CLDND2: variants seen among roughly 807,000 people sequenced by gnomAD.
CLDND2 encodes claudin domain-containing protein 2.
In CLDND2, 18 loss-of-function variants were observed where a neutral mutation model predicts 17.7. The ratio of observed to expected loss-of-function variants is 1.02; its 90% CI spans 0.70 to 1.51. The LOEUF is 1.51. Among genes scored for constraint, CLDND2 ranks in the 40% most tolerant of loss-of-function variants. The pLI, the probability that CLDND2 is intolerant of heterozygous loss-of-function variation, is 0.00. For missense variants in CLDND2, 233 were observed against 219.6 expected (o/e 1.06, Z -0.39); for synonymous variants, 113 against 93.0 (o/e 1.22, Z -1.24).
At chr19:51,368,202 C>T in intron 1 of CLDND2, 176 bp from the exon 2 acceptor site, 1 of 858,986 alleles carries the variant, frequency 1.2e-6, no homozygotes, top group Non-Finnish European at 1.8e-6. Context: ...TCAGGACCTG[C>T]GGTTACTGCC....
In CLDND2 at chr19:51,367,820, G is replaced by A. The variant is rs527434619; in HGVS notation, c.310+66C>T. On this transcript the variant is annotated intron_variant, in intron 2 of 3. Coordinates refer to ENST00000291715, the MANE Select transcript of CLDND2 (RefSeq NM_152353.3). The surrounding 1 kb of genome is among the most constrained non-coding windows in gnomAD (Gnocchi z 7.4). ...GAGTACCTCAAGCCCCTCCCCTGGC[G>A]ACCAGGCCCCTCCATCACCCAGGGC... 6.4e-7 allele frequency: 1 copy of A among 1,571,250 alleles called. No individual in the cohort carries two copies. The highest frequency in any genetic ancestry group is 1.8e-5 in the Admixed American group (1 of 55,454).
chr19:51,367,549 C>T lies in CLDND2; in HGVS notation c.338G>A (p.Gly113Asp), dbSNP rs775592435. 2.5e-6 allele frequency: 4 copies of T among 1,612,104 alleles called. No individual in the cohort carries two copies. The highest frequency in any genetic ancestry group is 4.5e-5 in the East Asian group (2 of 44,840). The stretch of plus-strand genomic sequence containing the variant: ...CTTCCACGCATTCTTCACGGTGTAG[C>T]CTATCAAGGCGGTCAGCAGCAGCAG... The part of the protein sequence containing the change: ...GGLLLLTALI[G>D]YTVKNAWKNN... Residue 113 changes from glycine to aspartate, a missense_variant, in exon 3 of 4, where the codon GGC becomes GAC. Gly to Asp is a moderately conservative substitution (Grantham distance 94, BLOSUM62 -1). Coordinates refer to ENST00000291715, the MANE Select transcript of CLDND2 (RefSeq NM_152353.3). The surrounding 1 kb of genome is among the most constrained non-coding windows in gnomAD (Gnocchi z 7.4).
At position 51,367,822 on chromosome 19, in the gene CLDND2, C is replaced by A; in HGVS notation, c.310+64G>T. On this transcript the variant is annotated intron_variant, in intron 2 of 3. Transcript: ENST00000291715. This position sits in a 1 kb window ranked among gnomAD's most constrained non-coding sequence, Gnocchi z 7.4. The stretch of plus-strand genomic sequence containing the variant: ...GTACCTCAAGCCCCTCCCCTGGCGA[C>A]CAGGCCCCTCCATCACCCAGGGCCC... The A allele has an allele frequency of 6.3e-7, 1 of 1,574,972 alleles. No homozygotes were observed. The highest frequency in any genetic ancestry group is 8.6e-7 in the Non-Finnish European group (1 of 1,165,780).
Position 51,367,833 on chromosome 19 carries a change from C to T in CLDND2, c.310+53G>A. On this transcript the variant is annotated intron_variant, in intron 2 of 3. Transcript: ENST00000291715. The surrounding 1 kb of genome is among the most constrained non-coding windows in gnomAD (Gnocchi z 7.4). Reference sequence around the variant, plus strand: ...CCCTCCCCTGGCGACCAGGCCCCTCCATCACCCAGGGCCCGCCCCTGCCTG... The same window carrying T: ...CCCTCCCCTGGCGACCAGGCCCCTCTATCACCCAGGGCCCGCCCCTGCCTG... 1 of 1,589,488 alleles carries T rather than the reference C, an allele frequency of 6.3e-7. No individual in the cohort carries two copies. Among genetic ancestry groups the T allele is most frequent in the Non-Finnish European group, 8.5e-7 (1 of 1,172,506 alleles).
In CLDND2 at chr19:51,368,546, C is replaced by T. The variant is rs141927207; in HGVS notation, c.32G>A (p.Gly11Asp). Residue 11 changes from glycine (G) to aspartate (D), a missense_variant, in exon 1 of 4, where the codon GGC (glycine) becomes GAC (aspartate). Coordinates refer to ENST00000291715, the MANE Select transcript of CLDND2 (RefSeq NM_152353.3). ...GTTGGCCACGAGGCTGAGCAGAATG[C>T]CCCCACTCTGGAGGCTCCGCTTCAC... MGVKRSLQSG[G>D]ILLSLVANVL... The T allele has an allele frequency of 9.2e-5, 148 of 1,613,754 alleles. No individual in the cohort carries two copies. Among genetic ancestry groups the T allele is most frequent in the Middle Eastern group, 5.0e-4 (3 of 6,060 alleles).
At position 51,367,281 on chromosome 19, in the gene CLDND2, C is replaced by T. The variant is rs529723160; in HGVS notation, c.431-66G>A. 421 of 1,556,510 alleles carry T rather than the reference C, an allele frequency of 2.7e-4. 1 individual carries two copies. The highest frequency in any genetic ancestry group is 3.6e-4 in the Non-Finnish European group (404 of 1,130,308). On this transcript the variant is annotated intron_variant, in intron 3 of 3. Coordinates refer to ENST00000291715, the MANE Select transcript of CLDND2 (RefSeq NM_152353.3). The surrounding 1 kb of genome is among the most constrained non-coding windows in gnomAD (Gnocchi z 7.4). ...CCCTGGGGCGGATGGCCGGGAGGGC[C>T]CCGGGGACTGGGGTTTGGGGCTCCA...
chr19:51,367,098 G>C lies in CLDND2; in HGVS notation c.*44C>G, dbSNP rs112263850. The C allele has an allele frequency of 6.3e-7, 1 of 1,592,766 alleles. No individual in the cohort carries two copies. The highest frequency in any genetic ancestry group is 2.2e-5 in the East Asian group (1 of 44,770). Reference sequence around the variant, plus strand: ...GCAGAAAAGCACGCGGAGCCGCAGCGCTAAAAAAAGCCGTTCCTTTATTCT... The same window carrying C: ...GCAGAAAAGCACGCGGAGCCGCAGCCCTAAAAAAAGCCGTTCCTTTATTCT... On this transcript the variant is annotated 3_prime_UTR_variant, in exon 4 of 4. Transcript: ENST00000291715. The surrounding 1 kb of genome is among the most constrained non-coding windows in gnomAD (Gnocchi z 7.4).
chr19:51,368,350 G>A, intron 1 of CLDND2, 59 bp downstream of exon 1: 5 of 1,537,272 alleles, frequency 3.3e-6, no homozygotes, highest in South Asian at 1.2e-5. Flanking sequence ...GCCCAGCTGT[G>A]TGTCCCGAGC....
chr19:51,368,436 C>T lies in CLDND2; in HGVS notation c.142G>A (p.Gly48Ser), dbSNP rs1352030933. The T allele has an allele frequency of 2.5e-6, 4 of 1,613,576 alleles. No homozygotes were observed. The highest frequency in any genetic ancestry group is 1.3e-5 in the African/African-American group (1 of 75,056). ...TGGCAGGGGATGCTGGAGCAGATGC[C>T]GTGGTTGCATTCCTGCCACAGGCCA... ...HSGLWQECNHGICSSIPCQTT... is the reference protein window; with the variant it reads ...HSGLWQECNHSICSSIPCQTT... The change falls in exon 1 of 4, where the codon GGC (glycine) becomes AGC (serine). Residue 48 changes from glycine to serine, a missense_variant. Gly to Ser is a moderately conservative substitution (Grantham distance 56). Transcript: ENST00000291715.
At position 51,367,597 on chromosome 19, in the gene CLDND2, A is replaced by C. The variant is rs768579497; in HGVS notation, c.311-21T>G. On this transcript the variant is annotated intron_variant, in intron 2 of 3. Coordinates refer to ENST00000291715, the MANE Select transcript of CLDND2 (RefSeq NM_152353.3). This position sits in a 1 kb window ranked among gnomAD's most constrained non-coding sequence, Gnocchi z 7.4. ...CAGTCCTGGGCCCCGCCCAGCCGCA[A>C]GATGAGCTAGCTGGGCCTGGTGGGG... is the stretch of plus-strand genomic sequence containing the variant. 6.2e-7 allele frequency: 1 copy of C among 1,606,766 alleles called. No homozygotes were observed. The highest frequency in any genetic ancestry group is 8.5e-7 in the Non-Finnish European group (1 of 1,176,552).
chr19:51,367,051 C>G, downstream of CLDND2: 1 of 1,219,734 alleles, frequency 8.2e-7, no homozygotes, highest in South Asian at 1.2e-5. The surrounding 1 kb of genome is among the most constrained non-coding windows in gnomAD (Gnocchi z 7.4). Context: ...TATGCAACCC[C>G]GTGCCTGCGT....
intron 1 of CLDND2, 117 bp downstream of exon 1, chr19:51,368,292 A>T: frequency 7.8e-7 from 1 of 1,276,706 alleles, no homozygotes. Flanking sequence ...CCGACAAGGG[A>T]CAGCTGCAAC....
In CLDND2 at chr19:51,367,559, C is replaced by T. The variant is rs1164044064; in HGVS notation, c.328G>A (p.Ala110Thr). The T allele has an allele frequency of 3.7e-6, 6 of 1,611,698 alleles. No homozygotes were observed. The highest frequency in any genetic ancestry group is 5.1e-6 in the Non-Finnish European group (6 of 1,179,074). The change falls in exon 3 of 4, where the codon GCC becomes ACC. Residue 110 changes from alanine to threonine, a missense_variant. By Grantham distance (58) the Ala-to-Thr change is moderately conservative. Transcript: ENST00000291715. The surrounding 1 kb of genome is among the most constrained non-coding windows in gnomAD (Gnocchi z 7.4). ...TTCTTCACGGTGTAGCCTATCAAGG[C>T]GGTCAGCAGCAGCAGTCCTGGGCCC... ...LFLGGLLLLT[A>T]LIGYTVKNAW...
chr19:51,368,655 A>G lies in CLDND2; in HGVS notation c.-78T>C. 1 of 1,325,598 alleles carries G rather than the reference A, an allele frequency of 7.5e-7. No individual in the cohort carries two copies. Among genetic ancestry groups the G allele is most frequent in the Admixed American group, 2.3e-5 (1 of 44,442 alleles). The allele number at this position is 1,325,598 out of a possible 1,614,324, so 82.1% of individuals were successfully genotyped here. Reference sequence around the variant, plus strand: ...CCTACCCCGAGGCCCCCAGCTGAGGAGCCCGCTTCCTCCACACTCCTCCCC... The same window carrying G: ...CCTACCCCGAGGCCCCCAGCTGAGGGGCCCGCTTCCTCCACACTCCTCCCC... On this transcript the variant is annotated 5_prime_UTR_variant, in exon 1 of 4. Transcript: ENST00000291715.
chr19:51,368,140 C>G (rs938776537), intron 1 of CLDND2, 114 bp from the exon 2 acceptor site: 6 of 1,181,446 alleles, frequency 5.1e-6, no homozygotes, highest in Non-Finnish European at 7.0e-6. Context: ...GGCCAGGAGC[C>G]GAGCTCCACC....
intron 1 of CLDND2, 141 bp downstream of exon 1, chr19:51,368,268 C>A: frequency 9.0e-7 from 1 of 1,106,420 alleles, no homozygotes; most frequent in South Asian, 1.5e-5. Flanking sequence ...GGGCGGGGTT[C>A]GTGGCGGCCT....
rs1986521328 is a variant in CLDND2 at position 51,368,322 on chromosome 19, G to A, written c.169+87C>T. 3 of 1,443,786 alleles carry A rather than the reference G, an allele frequency of 2.1e-6. No homozygotes were observed. The South Asian group carries it at 3.9e-5, about 19-fold the overall frequency. The allele number at this position is 1,443,786 out of a possible 1,614,324, so 89.4% of individuals were successfully genotyped here. ...TGCAACTGAGCCCGGGGTGGAAGGG[G>A]TGGGCGTCTCGCCATGGGCCCAGCT... On this transcript the variant is annotated intron_variant, in intron 1 of 3. Coordinates refer to ENST00000291715, the MANE Select transcript of CLDND2 (RefSeq NM_152353.3).
downstream of CLDND2, among the ~76,000 whole-genome samples, chr19:51,366,857 C>T (rs1986403249): frequency 6.6e-6 from 1 of 152,054 alleles, no homozygotes; most frequent in Non-Finnish European, 1.5e-5. Flanking sequence ...GTCTCTACTT[C>T]ACCTCCATGT....
rs145587573 is a variant in CLDND2 at position 51,368,437 on chromosome 19, G to T, written c.141C>A (p.His47Gln). Residue 47 changes from histidine (H) to glutamine (Q), a missense_variant, in exon 1 of 4, where the codon CAC (histidine) becomes CAA (glutamine). By Grantham distance (24) the His-to-Gln change is conservative. Coordinates refer to ENST00000291715, the MANE Select transcript of CLDND2 (RefSeq NM_152353.3). ...GGCAGGGGATGCTGGAGCAGATGCC[G>T]TGGTTGCATTCCTGCCACAGGCCAC... ...GHSGLWQECN[H>Q]GICSSIPCQT... The T allele has an allele frequency of 5.6e-6, 9 of 1,613,556 alleles. No individual in the cohort carries two copies. The African/African-American group carries it at 1.1e-4, about 19-fold the overall frequency.
Sources: allele counts gnomAD v4.1 joint callset (sites outside exome capture counted in the v4.1 genomes callset), GRCh38; gene constraint gnomAD v4.1.1; non-coding constraint Gnocchi (gnomAD v3.1); transcripts MANE v1.5; gene names NCBI Gene and HGNC (gene_info 2026-07-23, HGNC 2026-07-21).